TAFA1: variants seen among roughly 807,000 people sequenced by gnomAD.
The protein encoded by TAFA1 is chemokine-like protein TAFA-1.
TAFA1 carries 4 observed loss-of-function variants against 18.5 expected under a neutral mutation model. The ratio of observed to expected loss-of-function variants is 0.22; its 90% CI spans 0.11 to 0.49. The LOEUF is 0.49. TAFA1 is among the 20% of genes least tolerant of loss of function. The pLI is 0.98. For synonymous variants in TAFA1, 56 were observed against 55.2 expected (o/e 1.01, Z -0.06); for missense variants, 147 against 169.0 (o/e 0.87, Z 0.72).
At chr3:68,223,315 T>C (rs2066755281) in intron 2 of TAFA1, among the ~76,000 whole-genome samples, 1 of 152,234 alleles carries the variant, frequency 6.6e-6, no homozygotes, top group Non-Finnish European at 1.5e-5. Context: ...TTCAAAATCG[T>C]CTTTCAATAA....
the TAFA1 span, among the ~76,000 whole-genome samples, chr3:67,994,620 C>T: frequency 2.6e-5 from 4 of 152,312 alleles, no homozygotes; most frequent in South Asian, 8.3e-4. Flanking sequence ...CTTGTTTACT[C>T]TTCTTTCCAG....
At chr3:68,282,420 TA>T (rs75417448) in intron 2 of TAFA1, among the ~76,000 whole-genome samples, 61,174 of 150,838 alleles carry the variant, frequency 0.41, 13,004 homozygotes, top group East Asian at 0.55. Context: ...AAATGTGTCA[TA>T]AAAAAAAAAT....
chr3:68,450,430 C>T (rs1250976454), intron 3 of TAFA1, among the ~76,000 whole-genome samples: 5 of 152,170 alleles, frequency 3.3e-5, no homozygotes, highest in African/African-American at 1.2e-4. Flanking sequence ...TTGAATTTAA[C>T]TAGTGAGCCT....
chr3:68,445,638 GC>G (rs2071462916), intron 3 of TAFA1, among the ~76,000 whole-genome samples: 2 of 152,082 alleles, frequency 1.3e-5, no homozygotes, highest in Non-Finnish European at 2.9e-5. Context: ...AGACCCCTTG[GC>G]CTAAATCGGT....
intron 2 of TAFA1, among the ~76,000 whole-genome samples, chr3:68,305,703 G>T (rs1376806660): frequency 6.6e-6 from 1 of 151,702 alleles, no homozygotes; most frequent in Non-Finnish European, 1.5e-5. Flanking sequence ...CCTCTAGTGG[G>T]TTTTCAAGTA....
At chr3:68,047,739 T>A (rs1009119437) in intron 2 of TAFA1, among the ~76,000 whole-genome samples, 1 of 152,104 alleles carries the variant, frequency 6.6e-6, no homozygotes, top group Non-Finnish European at 1.5e-5. Flanking sequence ...CACCTGCCAA[T>A]ATAATCACCC....
chr3:68,039,706 A>G lies in TAFA1; in HGVS notation c.118+32962A>G, dbSNP rs1162449172. ...GAGTCAGGTAGTTTACTTGGAGGTC[A>G]TTGATGATCTCCAGAGATACAAGTG... On this transcript the variant is annotated intron_variant, in intron 2 of 4. Coordinates refer to ENST00000478136, the MANE Select transcript of TAFA1 (RefSeq NM_213609.4). 4.6e-5 allele frequency among the ~76,000 whole-genome samples: 7 copies of G among 152,202 alleles called. 1 individual carries two copies. Among genetic ancestry groups the G allele is most frequent in the Non-Finnish European group, 1.0e-4 (7 of 68,044 alleles).
chr3:68,029,539 T>C (rs1438137407), intron 2 of TAFA1, among the ~76,000 whole-genome samples: 1 of 152,134 alleles, frequency 6.6e-6, no homozygotes, highest in Non-Finnish European at 1.5e-5. Context: ...TCAGTAAAAA[T>C]TAAAAATTCA....
chr3:68,030,268 T>A (rs1476838054), intron 2 of TAFA1, among the ~76,000 whole-genome samples: 1 of 151,646 alleles, frequency 6.6e-6, no homozygotes, highest in African/African-American at 2.4e-5. Context: ...CTTGATGGAT[T>A]TTTTTTTTCT....
At chr3:68,160,428 G>A (rs1053906626) in intron 2 of TAFA1, among the ~76,000 whole-genome samples, 4 of 152,174 alleles carry the variant, frequency 2.6e-5, no homozygotes, top group Admixed American at 1.3e-4. Flanking sequence ...GCCTTAGTGT[G>A]CCAACTCTTA....
intron 2 of TAFA1, among the ~76,000 whole-genome samples, chr3:68,224,469 T>C (rs1048891554): frequency 6.6e-6 from 1 of 152,230 alleles, no homozygotes; most frequent in East Asian, 1.9e-4. Flanking sequence ...AATCTCATCT[T>C]AGTCTCTGTG....
At chr3:68,116,200 A>G (rs1413876402) in intron 2 of TAFA1, among the ~76,000 whole-genome samples, 1 of 152,176 alleles carries the variant, frequency 6.6e-6, no homozygotes, top group Non-Finnish European at 1.5e-5. Flanking sequence ...GCTTGCAGTG[A>G]GCCGAGATCG....
At chr3:68,269,057 A>T (rs2067606981) in intron 2 of TAFA1, among the ~76,000 whole-genome samples, 1 of 151,822 alleles carries the variant, frequency 6.6e-6, no homozygotes, top group African/African-American at 2.4e-5. Context: ...ATTCCCATTG[A>T]TGCTGATGCT....
intron 2 of TAFA1, among the ~76,000 whole-genome samples, chr3:68,138,659 A>G (rs971409390): frequency 1.3e-5 from 2 of 152,194 alleles, no homozygotes; most frequent in Non-Finnish European, 2.9e-5. Flanking sequence ...GTTATTTACT[A>G]TCTTGGCCTC....
Position 68,196,853 on chromosome 3 carries a change from A to G in TAFA1, c.118+190109A>G, listed in dbSNP as rs75126394. On this transcript the variant is annotated intron_variant, in intron 2 of 4. Coordinates refer to ENST00000478136, the MANE Select transcript of TAFA1 (RefSeq NM_213609.4). ...AGCTCATTTACCAACAACTGAACTA[A>G]TCACTTTGGCCAAAGGAATTGGATT... Among the ~76,000 whole-genome samples, 1,063 of 151,906 alleles carry G rather than the reference A, an allele frequency of 7.0e-3. 12 individuals carry two copies. Among genetic ancestry groups the G allele is most frequent in the African/African-American group, 0.025 (1,018 of 41,514 alleles).
At chr3:68,532,806 A>AT (rs200323174) in intron 3 of TAFA1, among the ~76,000 whole-genome samples, 2 of 151,022 alleles carry the variant, frequency 1.3e-5, no homozygotes, top group African/African-American at 4.9e-5. Flanking sequence ...CTCATTGTAA[A>AT]TTTTTTTTTA....
At chr3:68,172,711 T>C (rs1404795019) in intron 2 of TAFA1, among the ~76,000 whole-genome samples, 5 of 152,086 alleles carry the variant, frequency 3.3e-5, no homozygotes, top group Non-Finnish European at 7.4e-5. Context: ...TACCGATACA[T>C]GCTACAACAC....
At chr3:68,477,567 G>T (rs2072125943) in intron 3 of TAFA1, among the ~76,000 whole-genome samples, 1 of 152,084 alleles carries the variant, frequency 6.6e-6, no homozygotes, top group Non-Finnish European at 1.5e-5. Flanking sequence ...TTGTAGTAGA[G>T]ATGGGGTTTC....
chr3:68,268,659 T>G (rs1432938008), intron 2 of TAFA1, among the ~76,000 whole-genome samples: 1 of 152,140 alleles, frequency 6.6e-6, no homozygotes, highest in Non-Finnish European at 1.5e-5. Flanking sequence ...AACGAAGCCC[T>G]TTGGTTTTCT....
Sources: allele counts gnomAD v4.1 joint callset (sites outside exome capture counted in the v4.1 genomes callset), GRCh38; gene constraint gnomAD v4.1.1; transcripts MANE v1.5; gene names NCBI Gene and HGNC (gene_info 2026-07-23, HGNC 2026-07-21).